Variants in TRIP13 observed in about 807,000 individuals in gnomAD.
The protein encoded by TRIP13 is pachytene checkpoint protein 2 homolog.
TRIP13 carries 25 observed loss-of-function variants against 54.4 expected under a neutral mutation model. The observed-to-expected ratio is 0.46, with a 90% CI of 0.33 to 0.64. The LOEUF is 0.64. Among genes scored for constraint, TRIP13 ranks in the 30% least tolerant of loss-of-function variants. TRIP13 has a pLI of 0.02. For synonymous variants in TRIP13, 207 were observed against 207.8 expected (o/e 1.00, Z 0.03); for missense variants, 373 against 534.2 (o/e 0.70, Z 2.97).
At position 915,243 on chromosome 5, in the gene TRIP13, T is replaced by C. The variant is rs576441766; in HGVS notation, c.1134-661T>C. 2.0e-5 allele frequency among the ~76,000 whole-genome samples: 3 copies of C among 152,244 alleles called. No individual in the cohort carries two copies. Among genetic ancestry groups the C allele is most frequent in the Non-Finnish European group, 4.4e-5 (3 of 68,042 alleles). ...TGGGAACGAAGAACAGTTCAGAGAC[T>C]TCTACAAAAATTGAAGATGTGAACC... On this transcript the variant is annotated intron_variant, in intron 11 of 12. Coordinates refer to ENST00000166345, the MANE Select transcript of TRIP13 (RefSeq NM_004237.4). This position sits in a 1 kb window ranked among gnomAD's most constrained non-coding sequence, Gnocchi z 4.2.
chr5:903,522 T>C lies in TRIP13; in HGVS notation c.536-626T>C, dbSNP rs1754041906. Among the ~76,000 whole-genome samples the C allele has an allele frequency of 2.0e-5, 3 of 152,332 alleles. No homozygotes were observed. The East Asian group carries it at 5.8e-4, about 29-fold the overall frequency. On this transcript the variant is annotated intron_variant, in intron 5 of 12. Coordinates refer to ENST00000166345, the MANE Select transcript of TRIP13 (RefSeq NM_004237.4). ...TCTTATTTTATTTATTTTATTATAC[T>C]GGAACAGCTCGTGCCCTCGGTCTCT...
chr5:918,642 T>A (rs1215758728), downstream of TRIP13, among the ~76,000 whole-genome samples: 1 of 152,104 alleles, frequency 6.6e-6, no homozygotes, highest in African/African-American at 2.4e-5. The surrounding 1 kb of genome is among the most constrained non-coding windows in gnomAD (Gnocchi z 4.3). Context: ...AAGGGGAGTT[T>A]ATTAAGTATT....
chr5:896,453 A>G (rs1214740116), intron 2 of TRIP13, among the ~76,000 whole-genome samples: 4 of 152,234 alleles, frequency 2.6e-5, no homozygotes, highest in East Asian at 3.8e-4. Flanking sequence ...AAGTAAATGT[A>G]GGGCCCAAAG....
Position 908,718 on chromosome 5 carries a change from G to T in TRIP13, c.866+257G>T. 2 of 1,179,434 alleles carry T rather than the reference G, an allele frequency of 1.7e-6. No individual in the cohort carries two copies. The highest frequency in any genetic ancestry group is 1.1e-6 in the Non-Finnish European group (1 of 925,194). 73.1% of individuals were successfully genotyped at this position (1,179,434 alleles called of 1,614,324 possible). A position where few individuals can be genotyped will look rare whatever the true frequency, so the allele number is the denominator to read the frequency against. On this transcript the variant is annotated intron_variant, in intron 9 of 12. Transcript: ENST00000166345. This position sits in a 1 kb window ranked among gnomAD's most constrained non-coding sequence, Gnocchi z 5.2. Reference sequence around the variant, plus strand: ...TCACACCTGTAATCCCAGCACTTTGGGAGGCCGAGGCAGGCGGATCACAAG... The same window carrying T: ...TCACACCTGTAATCCCAGCACTTTGTGAGGCCGAGGCAGGCGGATCACAAG...
chr5:908,328 T>G lies in TRIP13; in HGVS notation c.760-27T>G. 1 of 1,607,622 alleles carries G rather than the reference T, an allele frequency of 6.2e-7. No individual in the cohort carries two copies. The highest frequency in any genetic ancestry group is 1.1e-5 in the South Asian group (1 of 91,082). The stretch of plus-strand genomic sequence containing the variant: ...CTGTGAAGTGCCAGGCCCTGTCCTT[T>G]TTGACCCCACTGCTCCCTCCCAACA... On this transcript the variant is annotated intron_variant, in intron 8 of 12. Coordinates refer to ENST00000166345, the MANE Select transcript of TRIP13 (RefSeq NM_004237.4). The surrounding 1 kb of genome is among the most constrained non-coding windows in gnomAD (Gnocchi z 5.2).
chr5:907,564 C>T lies in TRIP13; in HGVS notation c.672+371C>T, dbSNP rs116052924. 5.6e-3 allele frequency among the ~76,000 whole-genome samples: 859 copies of T among 152,346 alleles called. 6 individuals are homozygous for T. The highest frequency in any genetic ancestry group is 0.02 in the African/African-American group (835 of 41,582). On this transcript the variant is annotated intron_variant, in intron 7 of 12. Coordinates refer to ENST00000166345, the MANE Select transcript of TRIP13 (RefSeq NM_004237.4). The surrounding 1 kb of genome is among the most constrained non-coding windows in gnomAD (Gnocchi z 4.1). ...TGATTCTTACCTCTGAGGAGCTGTG[C>T]CCAAGTCACCTGGCATCCGCACATC... is the stretch of plus-strand genomic sequence containing the variant.
intron 3 of TRIP13, among the ~76,000 whole-genome samples, chr5:897,397 GC>G: frequency 3.3e-5 from 1 of 30,326 alleles, no homozygotes; most frequent in Non-Finnish European, 5.0e-5. Flanking sequence ...GGCAGGCCAA[GC>G]CCAGGGCTTC....
chr5:908,868 G>A lies in TRIP13; in HGVS notation c.866+407G>A. The A allele has an allele frequency of 4.9e-6, 1 of 204,438 alleles. No homozygotes were observed. Among genetic ancestry groups the A allele is most frequent in the Non-Finnish European group, 9.9e-6 (1 of 100,904 alleles). The allele number at this position is 204,438 out of a possible 1,614,324, so 12.7% of individuals were successfully genotyped here. A position where few individuals can be genotyped will look rare whatever the true frequency, so the allele number is the denominator to read the frequency against. On this transcript the variant is annotated intron_variant, in intron 9 of 12. Transcript: ENST00000166345. This position sits in a 1 kb window ranked among gnomAD's most constrained non-coding sequence, Gnocchi z 5.2. ...AGCTACTCTGGAGGCTGAGGCAGGA[G>A]AATGGTGTGAACCCGGGAGGCAGAA...
At position 893,576 on chromosome 5, in the gene TRIP13, C is replaced by G. The variant is rs144700109; in HGVS notation, c.92+486C>G. On this transcript the variant is annotated intron_variant, in intron 1 of 12. Transcript: ENST00000166345. ...GATGTTAAATTTTTAGGGTTCAAAG[C>G]ACATCCCACTCATTTGTGACCAAGT... is the stretch of plus-strand genomic sequence containing the variant. The G allele has an allele frequency of 1.7e-3, 329 of 190,588 alleles. 2 individuals are homozygous for G. Among genetic ancestry groups the G allele is most frequent in the African/African-American group, 7.4e-3 (311 of 41,858 alleles). The allele number at this position is 190,588 out of a possible 1,614,324, so 11.8% of individuals were successfully genotyped here. A position where few individuals can be genotyped will look rare whatever the true frequency, so the allele number is the denominator to read the frequency against.
intron 2 of TRIP13, among the ~76,000 whole-genome samples, chr5:896,376 C>T (rs917997969): frequency 6.6e-5 from 10 of 152,012 alleles, no homozygotes. Flanking sequence ...TTTTTGGTCC[C>T]ATCTGTGTGA....
At chr5:904,001 G>T in intron 5 of TRIP13, 147 bp from the exon 6 acceptor site, 1 of 650,068 alleles carries the variant, frequency 1.5e-6, no homozygotes, top group Non-Finnish European at 2.5e-6. Flanking sequence ...TAGCATTTAA[G>T]TTTCTAAGCA....
intron 12 of TRIP13, among the ~76,000 whole-genome samples, chr5:916,291 T>C (rs909032894): frequency 6.6e-6 from 1 of 152,208 alleles, no homozygotes; most frequent in African/African-American, 2.4e-5. Context: ...TCTTTCAGTC[T>C]GGGTTCAGCT....
At position 915,310 on chromosome 5, in the gene TRIP13, C is replaced by T. The variant is rs113332243; in HGVS notation, c.1134-594C>T. On this transcript the variant is annotated intron_variant, in intron 11 of 12. Coordinates refer to ENST00000166345, the MANE Select transcript of TRIP13 (RefSeq NM_004237.4). This position sits in a 1 kb window ranked among gnomAD's most constrained non-coding sequence, Gnocchi z 4.2. ...ACTCTGTGCCTACTGACCATGTGCC[C>T]GCTGCATCGTGCCTTACGCCTGGTG... is the stretch of plus-strand genomic sequence containing the variant. Among the ~76,000 whole-genome samples, 15 of 152,338 alleles carry T rather than the reference C, an allele frequency of 9.8e-5. No individual in the cohort carries two copies. Among genetic ancestry groups the T allele is most frequent in the South Asian group, 8.3e-4 (4 of 4,828 alleles).
intron 6 of TRIP13, among the ~76,000 whole-genome samples, chr5:906,479 T>C (rs1423814488): frequency 1.3e-5 from 2 of 152,234 alleles, no homozygotes; most frequent in African/African-American, 2.4e-5. Context: ...TCTCTCTCTT[T>C]TTTACGTGGA....
chr5:900,469 A>G, intron 3 of TRIP13, 25 bp from the exon 4 acceptor site: 1 of 1,613,026 alleles, frequency 6.2e-7, no homozygotes, highest in Non-Finnish European at 8.5e-7. Context: ...TCCTGAAATC[A>G]GGTCTTTGTT....
intron 5 of TRIP13, among the ~76,000 whole-genome samples, chr5:901,915 G>A (rs962041578): frequency 6.6e-6 from 1 of 152,176 alleles, no homozygotes; most frequent in Non-Finnish European, 1.5e-5. Flanking sequence ...GAGCCACCGC[G>A]CGCGGCCCCT....
rs1388424399 is a variant in TRIP13 at position 911,953 on chromosome 5, C to A, written c.977C>A (p.Ala326Asp). The change falls in exon 10 of 13, where the codon GCC becomes GAC. Residue 326 changes from alanine to aspartate, a missense_variant. By Grantham distance (126) the Ala-to-Asp change is moderately radical. Transcript: ENST00000166345. This position sits in a 1 kb window ranked among gnomAD's most constrained non-coding sequence, Gnocchi z 4.7. ...TACATTGGGCCACCCTCTGCAGCAGCCATCTTCAAAATCTACCTCTCTTGT... is the reference window on the plus strand; with the variant it reads ...TACATTGGGCCACCCTCTGCAGCAGACATCTTCAAAATCTACCTCTCTTGT... The part of the protein sequence containing the change: ...KQYIGPPSAA[A>D]IFKIYLSCLE... 6.2e-7 allele frequency: 1 copy of A among 1,613,548 alleles called. No individual in the cohort carries two copies. The highest frequency in any genetic ancestry group is 8.5e-7 in the Non-Finnish European group (1 of 1,179,916).
chr5:906,101 T>G (rs1231655620), intron 6 of TRIP13, among the ~76,000 whole-genome samples: 2 of 152,122 alleles, frequency 1.3e-5, no homozygotes, highest in African/African-American at 2.4e-5. Context: ...GGTCCCAGCT[T>G]CTTTTGAGGC....
At position 913,305 on chromosome 5, in the gene TRIP13, A is replaced by T. The variant is rs933620600; in HGVS notation, c.1021-1160A>T. ...GAATCCAGGGGCTGTTTAAAGTGTT[A>T]GCTAAGAGGGATGGACTTTTTCTGG... On this transcript the variant is annotated intron_variant, in intron 10 of 12. Transcript: ENST00000166345. The surrounding 1 kb of genome is among the most constrained non-coding windows in gnomAD (Gnocchi z 4.5). Among the ~76,000 whole-genome samples, 1 of 152,164 alleles carries T rather than the reference A, an allele frequency of 6.6e-6. No homozygotes were observed. Among genetic ancestry groups the T allele is most frequent in the Admixed American group, 6.5e-5 (1 of 15,280 alleles).
Sources: gnomAD v4.1 joint callset for allele counts (sites outside exome capture counted in the v4.1 genomes callset) on GRCh38, gnomAD v4.1.1 for gene constraint, Gnocchi (gnomAD v3.1) non-coding constraint, MANE v1.5 for transcripts, NCBI Gene and HGNC (gene_info 2026-07-23, HGNC 2026-07-21) for gene names.